NYAP1: variants seen among roughly 807,000 people sequenced by gnomAD.
The protein encoded by NYAP1 is neuronal tyrosine phosphorylated phosphoinositide-3-kinase adaptor 1, also known as neuronal tyrosine-phosphorylated phosphoinositide-3-kinase adapter 1.
A neutral mutation model predicts 58.6 loss-of-function variants in NYAP1; 20 were observed. That is an observed-to-expected ratio of 0.34 (90% CI 0.24 to 0.50). The LOEUF is 0.50. Among genes scored for constraint, NYAP1 ranks in the 20% least tolerant of loss-of-function variants. The pLI is 0.98. For missense variants in NYAP1, 1,150 were observed against 1,194.5 expected, an observed-to-expected ratio of 0.96 and a Z score of 0.55; for synonymous variants, 572 against 523.1, an observed-to-expected ratio of 1.09 and a Z score of -1.27.
chr7:100,490,843 T>A lies in NYAP1; in HGVS notation c.2158+114T>A. 1 of 1,118,018 alleles carries A rather than the reference T, an allele frequency of 8.9e-7. No individual in the cohort carries two copies. Among genetic ancestry groups the A allele is most frequent in the Non-Finnish European group, 1.3e-6 (1 of 792,474 alleles). The allele number at this position is 1,118,018 out of a possible 1,614,324, so 69.3% of individuals were successfully genotyped here. A position where few individuals can be genotyped will look rare whatever the true frequency, so the allele number is the denominator to read the frequency against. On this transcript the variant is annotated intron_variant, in intron 5 of 6. Transcript: ENST00000300179. This position sits in a 1 kb window ranked among gnomAD's most constrained non-coding sequence, Gnocchi z 4.6. ...CTGTTCACGTCTGTGCCCAGGGCCC[T>A]AAATCCTCATACCACATCTCCACCC...
In NYAP1 at chr7:100,488,066, A is replaced by C; in HGVS notation, c.431-86A>C. On this transcript the variant is annotated intron_variant, in intron 3 of 6. Transcript: ENST00000300179. This position sits in a 1 kb window ranked among gnomAD's most constrained non-coding sequence, Gnocchi z 5.9. ...GGAAGAGGCAGATATGTCCTTGCAG[A>C]AGGGTCAAGGGATCAGAATGGGCTC... The C allele has an allele frequency of 1.1e-6, 1 of 941,372 alleles. No homozygotes were observed. Among genetic ancestry groups the C allele is most frequent in the South Asian group, 1.9e-5 (1 of 53,910 alleles). 58.3% of individuals were successfully genotyped at this position (941,372 alleles called of 1,614,324 possible). A position where few individuals can be genotyped will look rare whatever the true frequency, so the allele number is the denominator to read the frequency against.
At chr7:100,492,917 G>C (rs1264531310) in intron 6 of NYAP1, among the ~76,000 whole-genome samples, 1 of 151,594 alleles carries the variant, frequency 6.6e-6, no homozygotes, top group Admixed American at 6.6e-5. Flanking sequence ...AAAAGAGAGA[G>C]AGTGAGAGAA....
Position 100,485,212 on chromosome 7 carries a change from C to T in NYAP1, c.-84-16C>T. On this transcript the variant is annotated splice_polypyrimidine_tract_variant and intron_variant, in intron 1 of 6. Transcript: ENST00000300179. This position sits in a 1 kb window ranked among gnomAD's most constrained non-coding sequence, Gnocchi z 5.7. ...ACCTTTCTTTTTTTTCCGTTCTCACCCACCCCGCCCGCCAGTGGATCCGGG... is the reference window on the plus strand; with the variant it reads ...ACCTTTCTTTTTTTTCCGTTCTCACTCACCCCGCCCGCCAGTGGATCCGGG... 1.6e-6 allele frequency: 1 copy of T among 644,196 alleles called. No homozygotes were observed. The highest frequency in any genetic ancestry group is 2.8e-5 in the Admixed American group (1 of 35,876). 39.9% of individuals were successfully genotyped at this position (644,196 alleles called of 1,614,324 possible). A position where few individuals can be genotyped will look rare whatever the true frequency, so the allele number is the denominator to read the frequency against.
Position 100,486,230 on chromosome 7 carries a change from T to G in NYAP1, c.69-591T>G, listed in dbSNP as rs955299380. On this transcript the variant is annotated intron_variant, in intron 2 of 6. Coordinates refer to ENST00000300179, the MANE Select transcript of NYAP1 (RefSeq NM_173564.4). The surrounding 1 kb of genome is among the most constrained non-coding windows in gnomAD (Gnocchi z 6.2). ...TGCCACCCTCCACTCAGACAGAAGC[T>G]CAGGGACAGTGGAATGGAATGGGGG... Among the ~76,000 whole-genome samples, 6 of 151,508 alleles carry G rather than the reference T, an allele frequency of 4.0e-5. No individual in the cohort carries two copies. Among genetic ancestry groups the G allele is most frequent in the Non-Finnish European group, 7.4e-5 (5 of 67,924 alleles).
chr7:100,489,417 A>G lies in NYAP1; in HGVS notation c.1696A>G (p.Ser566Gly), dbSNP rs977271112. 9 of 1,612,854 alleles carry G rather than the reference A, an allele frequency of 5.6e-6. No individual in the cohort carries two copies. Among genetic ancestry groups the G allele is most frequent in the Non-Finnish European group, 7.6e-6 (9 of 1,179,862 alleles). ...AGLKRPPAYE[S>G]LKAGGVLNKG... is the part of the protein sequence containing the mutation. Reference sequence around the variant, plus strand: ...GCTCAAGAGACCCCCTGCCTATGAGAGCCTCAAGGCTGGGGGGGTGCTGAA... The same window carrying G: ...GCTCAAGAGACCCCCTGCCTATGAGGGCCTCAAGGCTGGGGGGGTGCTGAA... The change falls in exon 4 of 7, where the codon AGC becomes GGC. Residue 566 changes from serine (S) to glycine (G), a missense_variant. Physicochemically the swap from Ser to Gly is moderately conservative, Grantham distance 56. Coordinates refer to ENST00000300179, the MANE Select transcript of NYAP1 (RefSeq NM_173564.4).
In NYAP1 at chr7:100,490,241, C is replaced by T. The variant is rs1010561377; in HGVS notation, c.1946-276C>T. Among the ~76,000 whole-genome samples the T allele has an allele frequency of 2.0e-5, 3 of 151,970 alleles. No homozygotes were observed. The highest frequency in any genetic ancestry group is 2.9e-5 in the Non-Finnish European group (2 of 67,974). On this transcript the variant is annotated intron_variant, in intron 4 of 6. Transcript: ENST00000300179. This position sits in a 1 kb window ranked among gnomAD's most constrained non-coding sequence, Gnocchi z 4.6. ...TGGAGGGGCTTGGAAGCTAAAGCTG[C>T]GGTTGGGGAGGCCCCTCTGACCAGG...
chr7:100,485,231 A>C lies in NYAP1; in HGVS notation c.-81A>C. On this transcript the variant is annotated 5_prime_UTR_variant, in exon 2 of 7. Coordinates refer to ENST00000300179, the MANE Select transcript of NYAP1 (RefSeq NM_173564.4). The surrounding 1 kb of genome is among the most constrained non-coding windows in gnomAD (Gnocchi z 5.7). ...TCTCACCCACCCCGCCCGCCAGTGG[A>C]TCCGGGACCCAGGGAGGGCCGCCCC... 1.5e-6 allele frequency: 1 copy of C among 686,966 alleles called. No individual in the cohort carries two copies. 42.6% of individuals were successfully genotyped at this position (686,966 alleles called of 1,614,324 possible). A position where few individuals can be genotyped will look rare whatever the true frequency, so the allele number is the denominator to read the frequency against.
chr7:100,491,464 T>A (rs1799794771), intron 6 of NYAP1, among the ~76,000 whole-genome samples: 1 of 151,832 alleles, frequency 6.6e-6, no homozygotes, highest in South Asian at 2.1e-4. Context: ...AGGTGTGCCG[T>A]CGCAAGCCTG....
Position 100,488,901 on chromosome 7 carries a change from C to T in NYAP1, c.1180C>T (p.Leu394=), listed in dbSNP as rs1799746327. 3 of 1,594,766 alleles carry T rather than the reference C, an allele frequency of 1.9e-6. No homozygotes were observed. The highest frequency in any genetic ancestry group is 1.7e-5 in the Admixed American group (1 of 57,368). Residue 394 remains leucine, a synonymous_variant, in exon 4 of 7, where the codon CTG becomes TTG. Transcript: ENST00000300179. The surrounding 1 kb of genome is among the most constrained non-coding windows in gnomAD (Gnocchi z 5.9). ...PPPPPPPAAN[L]LLLGPSGRAR... is the part of the protein sequence containing the mutation. Reference sequence around the variant, plus strand: ...ACCGCCTCCACCTCCTGCTGCCAACCTGCTGCTGCTGGGACCATCGGGCCG... The same window carrying T: ...ACCGCCTCCACCTCCTGCTGCCAACTTGCTGCTGCTGGGACCATCGGGCCG...
chr7:100,488,260 G>T lies in NYAP1; in HGVS notation c.539G>T (p.Cys180Phe). ...TQLSVSFDES[C>F]PPGPSPRGGN... ...CTCTCTGTCTCCTTCGATGAGTCCTGCCCCCCAGGCCCCTCTCCTCGAGGG... is the reference window on the plus strand; with the variant it reads ...CTCTCTGTCTCCTTCGATGAGTCCTTCCCCCCAGGCCCCTCTCCTCGAGGG... The change falls in exon 4 of 7, where the codon TGC (cysteine) becomes TTC (phenylalanine). Residue 180 changes from cysteine (C) to phenylalanine (F), a missense_variant. Physicochemically the swap from Cys to Phe is radical, Grantham distance 205. Coordinates refer to ENST00000300179, the MANE Select transcript of NYAP1 (RefSeq NM_173564.4). The surrounding 1 kb of genome is among the most constrained non-coding windows in gnomAD (Gnocchi z 5.9). 1 of 1,613,868 alleles carries T rather than the reference G, an allele frequency of 6.2e-7. No homozygotes were observed. Among genetic ancestry groups the T allele is most frequent in the Non-Finnish European group, 8.5e-7 (1 of 1,179,922 alleles).
Position 100,488,567 on chromosome 7 carries a change from A to G in NYAP1, c.846A>G (p.Pro282=), listed in dbSNP as rs775171542. ...AGEGRANGPP[P]LTATSPPQQP... is the part of the protein sequence containing the mutation. The stretch of plus-strand genomic sequence containing the variant: ...AAGGCCGGGCCAATGGCCCTCCACC[A>G]TTGACGGCAACATCCCCGCCACAAC... The change falls in exon 4 of 7, where the codon CCA becomes CCG. Residue 282 remains proline, a synonymous_variant. Coordinates refer to ENST00000300179, the MANE Select transcript of NYAP1 (RefSeq NM_173564.4). This position sits in a 1 kb window ranked among gnomAD's most constrained non-coding sequence, Gnocchi z 5.9. 2.1e-5 allele frequency: 34 copies of G among 1,605,876 alleles called. No individual in the cohort carries two copies. In the Admixed American group the frequency reaches 5.5e-4, roughly 26 times the overall value.
In NYAP1 at chr7:100,490,374, T is replaced by C. The variant is rs1799779275; in HGVS notation, c.1946-143T>C. ...TGTGTTTGTATGTATGTTGGGGGAG[T>C]GTGAAGGAGCCCCATCCCAGCCGTT... On this transcript the variant is annotated intron_variant, in intron 4 of 6. Coordinates refer to ENST00000300179, the MANE Select transcript of NYAP1 (RefSeq NM_173564.4). The surrounding 1 kb of genome is among the most constrained non-coding windows in gnomAD (Gnocchi z 4.6). The C allele has an allele frequency of 2.8e-5, 20 of 705,002 alleles. No individual in the cohort carries two copies. The South Asian group carries it at 3.2e-4, about 11-fold the overall frequency. The allele number at this position is 705,002 out of a possible 1,614,324, so 43.7% of individuals were successfully genotyped here.
intron 1 of NYAP1, among the ~76,000 whole-genome samples, chr7:100,484,694 A>G (rs1037498854): frequency 2.9e-4 from 44 of 152,100 alleles, no homozygotes; most frequent in Middle Eastern, 3.4e-3. Context: ...GTGGGGTGCA[A>G]TGTACGCAAG....
Position 100,490,555 on chromosome 7 carries a change from G to A in NYAP1, c.1984G>A (p.Glu662Lys), listed in dbSNP as rs367909423. The A allele has an allele frequency of 8.8e-6, 14 of 1,588,160 alleles. No homozygotes were observed. Among genetic ancestry groups the A allele is most frequent in the African/African-American group, 2.7e-5 (2 of 74,616 alleles). The change falls in exon 5 of 7, where the codon GAG becomes AAG. Residue 662 changes from glutamate to lysine, a missense_variant. Coordinates refer to ENST00000300179, the MANE Select transcript of NYAP1 (RefSeq NM_173564.4). This position sits in a 1 kb window ranked among gnomAD's most constrained non-coding sequence, Gnocchi z 4.6. Reference sequence around the variant, plus strand: ...TGCCCGGGCCTGGAATGGCAGTGCCGAGGGTCCAGGCAAGGTGGAGCGTGA... The same window carrying A: ...TGCCCGGGCCTGGAATGGCAGTGCCAAGGGTCCAGGCAAGGTGGAGCGTGA... ...DGARAWNGSA[E>K]GPGKVEREDR...
At position 100,485,260 on chromosome 7, in the gene NYAP1, G is replaced by T; in HGVS notation, c.-52G>T. ...GGGACCCAGGGAGGGCCGCCCCCCGGGCCTGGTGGCACTGAGCAGGGCCCC... is the reference window on the plus strand; with the variant it reads ...GGGACCCAGGGAGGGCCGCCCCCCGTGCCTGGTGGCACTGAGCAGGGCCCC... On this transcript the variant is annotated 5_prime_UTR_variant, in exon 2 of 7. Coordinates refer to ENST00000300179, the MANE Select transcript of NYAP1 (RefSeq NM_173564.4). This position sits in a 1 kb window ranked among gnomAD's most constrained non-coding sequence, Gnocchi z 5.7. The T allele has an allele frequency of 8.4e-7, 1 of 1,190,474 alleles. No homozygotes were observed. The highest frequency in any genetic ancestry group is 1.2e-6 in the Non-Finnish European group (1 of 821,526). The allele number at this position is 1,190,474 out of a possible 1,614,324, so 73.7% of individuals were successfully genotyped here.
In NYAP1 at chr7:100,490,760, C is replaced by T. The variant is rs1055045181; in HGVS notation, c.2158+31C>T. 17 of 1,465,694 alleles carry T rather than the reference C, an allele frequency of 1.2e-5. No individual in the cohort carries two copies. In the African/African-American group the frequency reaches 1.4e-4, roughly 12 times the overall value. The allele number at this position is 1,465,694 out of a possible 1,614,324, so 90.8% of individuals were successfully genotyped here. On this transcript the variant is annotated intron_variant, in intron 5 of 6. Transcript: ENST00000300179. The surrounding 1 kb of genome is among the most constrained non-coding windows in gnomAD (Gnocchi z 4.6). ...GCGGCCTGCACACACCTGTGCACAG[C>T]GGGGCTGGCTGGGGGATCTCCCGGG...
chr7:100,485,177 C>A lies in NYAP1; in HGVS notation c.-84-51C>A, dbSNP rs1407724766. 1 of 613,168 alleles carries A rather than the reference C, an allele frequency of 1.6e-6. No homozygotes were observed. Among genetic ancestry groups the A allele is most frequent in the African/African-American group, 1.9e-5 (1 of 53,678 alleles). 38.0% of individuals were successfully genotyped at this position (613,168 alleles called of 1,614,324 possible). A position where few individuals can be genotyped will look rare whatever the true frequency, so the allele number is the denominator to read the frequency against. ...CTCTCTTTCATTCATCCCTGGCCCC[C>A]ACCCATCCCACCTTTCTTTTTTTTC... On this transcript the variant is annotated intron_variant, in intron 1 of 6. Transcript: ENST00000300179. The surrounding 1 kb of genome is among the most constrained non-coding windows in gnomAD (Gnocchi z 5.7).
At position 100,489,728 on chromosome 7, in the gene NYAP1, C is replaced by T. The variant is rs556877754; in HGVS notation, c.1945+62C>T. The T allele has an allele frequency of 6.7e-6, 7 of 1,038,082 alleles. No homozygotes were observed. In the African/African-American group the frequency reaches 7.9e-5, roughly 12 times the overall value. 64.3% of individuals were successfully genotyped at this position (1,038,082 alleles called of 1,614,324 possible). Reference sequence around the variant, plus strand: ...GGTGGGGGGCAGCTGGGGATGCCTGCGATGGTTTGGGGGAGGTGTTGGAGG... The same window carrying T: ...GGTGGGGGGCAGCTGGGGATGCCTGTGATGGTTTGGGGGAGGTGTTGGAGG... On this transcript the variant is annotated intron_variant, in intron 4 of 6. Transcript: ENST00000300179.
At position 100,488,618 on chromosome 7, in the gene NYAP1, C is replaced by G; in HGVS notation, c.897C>G (p.Ala299=). ...PQQPHALPPH[A]HRRPASALPS... is the part of the protein sequence containing the mutation. ...AGCCTCACGCCCTTCCGCCCCATGC[C>G]CACCGCCGCCCAGCTTCAGCCCTCC... The change falls in exon 4 of 7, where the codon GCC becomes GCG. Residue 299 remains alanine, a synonymous_variant. Coordinates refer to ENST00000300179, the MANE Select transcript of NYAP1 (RefSeq NM_173564.4). The surrounding 1 kb of genome is among the most constrained non-coding windows in gnomAD (Gnocchi z 5.9). 1 of 1,610,546 alleles carries G rather than the reference C, an allele frequency of 6.2e-7. No individual in the cohort carries two copies. Among genetic ancestry groups the G allele is most frequent in the South Asian group, 1.1e-5 (1 of 90,916 alleles).
Sources: gnomAD v4.1 joint callset for allele counts (sites outside exome capture counted in the v4.1 genomes callset) on GRCh38, gnomAD v4.1.1 for gene constraint, Gnocchi (gnomAD v3.1) non-coding constraint, MANE v1.5 for transcripts, NCBI Gene and HGNC (gene_info 2026-07-23, HGNC 2026-07-21) for gene names.